Variants in ARHGEF4 observed in about 807,000 individuals in gnomAD.
ARHGEF4 encodes the protein Rho guanine nucleotide exchange factor 4, also known as APC-stimulated guanine nucleotide exchange factor 1.
Under a neutral mutation model 162.0 loss-of-function variants are expected in ARHGEF4, and 119 were observed. The observed-to-expected ratio is 0.73, with a 90% confidence interval of 0.63 to 0.86. The LOEUF (loss-of-function observed/expected upper bound fraction) is 0.86. Ranked by LOEUF, ARHGEF4 falls within the 40% of genes least tolerant of loss-of-function variation. The pLI is 0.00. For missense variants in ARHGEF4, 2,488 were observed against 2,456.0 expected, an observed-to-expected ratio of 1.01 and a Z score of -0.28; for synonymous variants, 1,014 against 979.9, an observed-to-expected ratio of 1.03 and a Z score of -0.65.
intron 5 of ARHGEF4, among the ~76,000 whole-genome samples, chr2:131,031,318 C>T (rs780279420): frequency 7.9e-5 from 12 of 152,238 alleles, no homozygotes; most frequent in African/African-American, 2.4e-4. Flanking sequence ...GCGGCCCACT[C>T]GGGGCAGAGC....
rs981591558 is a variant in ARHGEF4, at chr2:130,917,606, C to T, written c.3552+108C>T. On this transcript the variant is annotated intron_variant, in intron 2 of 13. Coordinates refer to ENST00000409359, the MANE Select transcript of ARHGEF4 (RefSeq NM_001367493.1). Reference sequence around the variant, plus strand: ...GAGAGGTAAAATAGGAAGGCCAGGCCAAAATTGCCCCCGTTACACTCCCAG... The same window carrying T: ...GAGAGGTAAAATAGGAAGGCCAGGCTAAAATTGCCCCCGTTACACTCCCAG... 6.4e-6 allele frequency: 9 copies of T among 1,397,420 alleles called. No homozygotes were observed. The African/African-American group carries it at 1.3e-4, about 20-fold the overall frequency. The allele number at this position is 1,397,420 out of a possible 1,614,324, so 86.6% of individuals were successfully genotyped here.
intron 4 of ARHGEF4, among the ~76,000 whole-genome samples, chr2:131,006,889 G>A (rs1039447210): frequency 6.6e-6 from 1 of 152,202 alleles, no homozygotes; most frequent in African/African-American, 2.4e-5. Flanking sequence ...CCAAAAGTAG[G>A]CCAGGTGGTC....
Position 130,916,499 on chromosome 2 carries a change from G to A in ARHGEF4, c.2553G>A (p.Gly851=). ...AGRDAPPLHH[G]DASAWPEFVP... is the part of the protein sequence containing the mutation. ...GGGACGCACCGCCTCTGCACCACGG[G>A]GACGCCAGCGCCTGGCCCGAGTTTG... The change falls in exon 2 of 14, where the codon GGG becomes GGA. Residue 851 remains glycine, a synonymous_variant. Coordinates refer to ENST00000409359, the MANE Select transcript of ARHGEF4 (RefSeq NM_001367493.1). The A allele has an allele frequency of 6.5e-7, 1 of 1,547,990 alleles. No individual in the cohort carries two copies. The highest frequency in any genetic ancestry group is 8.7e-7 in the Non-Finnish European group (1 of 1,146,686).
rs13407364 is a variant in ARHGEF4, at chr2:130,925,753, T to C, written c.3553-5199T>C. Among the ~76,000 whole-genome samples the C allele has an allele frequency of 6.0e-3, 913 of 152,322 alleles. 8 individuals are homozygous for C. Among genetic ancestry groups the C allele is most frequent in the African/African-American group, 0.021 (881 of 41,566 alleles). On this transcript the variant is annotated intron_variant, in intron 2 of 13. Coordinates refer to ENST00000409359, the MANE Select transcript of ARHGEF4 (RefSeq NM_001367493.1). ...TCTCACTGCTCTCAATATTTTTTAT[T>C]TGTCCTTAGATTTCAGAAGTTTGCT...
At chr2:130,909,335 A>C (rs997375463) in intron 1 of ARHGEF4, among the ~76,000 whole-genome samples, 1 of 152,242 alleles carries the variant, frequency 6.6e-6, no homozygotes, top group African/African-American at 2.4e-5. Context: ...CGGGTCAGCA[A>C]TAGAAGGAAT....
At chr2:130,868,906 C>A (rs112218157) in intron 1 of ARHGEF4, among the ~76,000 whole-genome samples, 1 of 152,206 alleles carries the variant, frequency 6.6e-6, no homozygotes, top group East Asian at 1.9e-4. Flanking sequence ...GCTTATGGCA[C>A]CCCCGTCCTT....
chr2:130,850,429 C>T (rs529777019), intron 1 of ARHGEF4, among the ~76,000 whole-genome samples: 10 of 152,218 alleles, frequency 6.6e-5, no homozygotes, highest in Non-Finnish European at 1.2e-4. Flanking sequence ...GGAGCTGGCT[C>T]TGCTCTGCTC....
chr2:131,045,447 G>C lies in ARHGEF4; in HGVS notation c.5479+1G>C. On this transcript the variant is annotated splice_donor_variant, in intron 13 of 13. Coordinates refer to ENST00000409359, the MANE Select transcript of ARHGEF4 (RefSeq NM_001367493.1). LOFTEE classifies it high-confidence loss of function. ...CAGCAGGTCACAGGGAAGCCCAAAG[G>C]TAGGCGGACAGCAGCCCCACCTCCT... is the stretch of plus-strand genomic sequence containing the variant. 1 of 1,613,568 alleles carries C rather than the reference G, an allele frequency of 6.2e-7. No homozygotes were observed. The highest frequency in any genetic ancestry group is 8.5e-7 in the Non-Finnish European group (1 of 1,180,000).
intron 1 of ARHGEF4, among the ~76,000 whole-genome samples, chr2:130,851,638 CTA>C (rs1288709166): frequency 2.6e-5 from 4 of 152,232 alleles, no homozygotes; most frequent in Non-Finnish European, 2.9e-5. Flanking sequence ...GAGCTCGACA[CTA>C]TGTGGGTCAC....
intron 1 of ARHGEF4, among the ~76,000 whole-genome samples, chr2:130,891,535 G>A (rs959663920): frequency 1.3e-5 from 2 of 152,092 alleles, no homozygotes; most frequent in African/African-American, 4.8e-5. Flanking sequence ...CCACAAACTG[G>A]GTGGTGTAAA....
At chr2:130,926,062 CTT>C (rs1682262473) in intron 2 of ARHGEF4, among the ~76,000 whole-genome samples, 1 of 117,508 alleles carries the variant, frequency 8.5e-6, no homozygotes, top group Admixed American at 8.8e-5. Context: ...TTCTTTCTTT[CTT>C]TCTTTCTTTC....
At chr2:130,853,172 CT>C (rs1398102354) in intron 1 of ARHGEF4, among the ~76,000 whole-genome samples, 1 of 152,206 alleles carries the variant, frequency 6.6e-6, no homozygotes, top group Non-Finnish European at 1.5e-5. Flanking sequence ...CAAGGCCCAA[CT>C]TGGGGTCTGC....
chr2:130,843,672 T>C (rs958608846), intron 1 of ARHGEF4, among the ~76,000 whole-genome samples: 6 of 152,234 alleles, frequency 3.9e-5, no homozygotes, highest in Non-Finnish European at 8.8e-5. Context: ...CAGATGGTCT[T>C]TCTGTACAAC....
At chr2:130,966,621 T>C (rs1470844038) in intron 4 of ARHGEF4, among the ~76,000 whole-genome samples, 1 of 152,200 alleles carries the variant, frequency 6.6e-6, no homozygotes, top group Non-Finnish European at 1.5e-5. Context: ...GTGATGAGGC[T>C]CTTTGCTGGG....
At chr2:130,944,671 A>G (rs930482473) in intron 3 of ARHGEF4, among the ~76,000 whole-genome samples, 1 of 152,120 alleles carries the variant, frequency 6.6e-6, no homozygotes, top group Admixed American at 6.5e-5. Flanking sequence ...GTTCACCCTT[A>G]CTTCTTAGAG....
At position 131,043,436 on chromosome 2, in the gene ARHGEF4, C is replaced by T. The variant is rs866836074; in HGVS notation, c.5026-16C>T. On this transcript the variant is annotated splice_polypyrimidine_tract_variant and intron_variant, in intron 10 of 13. Transcript: ENST00000409359. The stretch of plus-strand genomic sequence containing the variant: ...TGGGTATGCGAGGCTCATGGTTCTC[C>T]TTGGGATCTTCCCAGGGAGAAGATC... 3 of 1,613,618 alleles carry T rather than the reference C, an allele frequency of 1.9e-6. No homozygotes were observed. The Middle Eastern group carries it at 5.0e-4, about 266-fold the overall frequency.
intron 4 of ARHGEF4, among the ~76,000 whole-genome samples, chr2:131,001,190 C>A (rs1687734384): frequency 1.3e-5 from 2 of 150,680 alleles, no homozygotes; most frequent in South Asian, 4.2e-4. Context: ...GTAATCCCAG[C>A]TACTCGGGAG....
At position 131,046,022 on chromosome 2, in the gene ARHGEF4, G is replaced by C. The variant is rs574060895; in HGVS notation, c.5480-16G>C. ...CCCTGGGCACCCATGACCCTCTGCTGTCTCTCCCTGTTCAGCTGTTGGCCG... is the reference window on the plus strand; with the variant it reads ...CCCTGGGCACCCATGACCCTCTGCTCTCTCTCCCTGTTCAGCTGTTGGCCG... On this transcript the variant is annotated splice_polypyrimidine_tract_variant and intron_variant, in intron 13 of 13. Coordinates refer to ENST00000409359, the MANE Select transcript of ARHGEF4 (RefSeq NM_001367493.1). The C allele has an allele frequency of 4.9e-5, 79 of 1,605,278 alleles. No homozygotes were observed. The highest frequency in any genetic ancestry group is 2.3e-4 in the African/African-American group (17 of 74,836).
intron 1 of ARHGEF4, among the ~76,000 whole-genome samples, chr2:130,844,127 T>C (rs1343785431): frequency 1.3e-5 from 2 of 152,358 alleles, no homozygotes; most frequent in East Asian, 1.9e-4. Context: ...CCATACGTTT[T>C]GTTTGCTTCT....
Sources: gnomAD v4.1 joint callset for allele counts (sites outside exome capture counted in the v4.1 genomes callset) on GRCh38, gnomAD v4.1.1 for gene constraint, MANE v1.5 for transcripts, NCBI Gene and HGNC (gene_info 2026-07-23, HGNC 2026-07-21) for gene names.